Variants in PDE11A observed in about 807,000 individuals in gnomAD.
PDE11A encodes phosphodiesterase 11A.
A neutral mutation model predicts 100.5 loss-of-function variants in PDE11A; 100 were observed. The observed-to-expected ratio is 1.00, with a 90% CI of 0.85 to 1.18. The LOEUF (loss-of-function observed/expected upper bound fraction) is 1.18, where lower values mean the gene tolerates loss of function less well. PDE11A is among the 50% of genes most tolerant of loss of function. The pLI is 0.00. For missense variants in PDE11A, 1,141 were observed against 1,152.6 expected (o/e 0.99, Z 0.15); for synonymous variants, 381 against 420.8 (o/e 0.91, Z 1.16).
At chr2:178,016,360 G>A (rs971223955) in intron 1 of PDE11A, among the ~76,000 whole-genome samples, 2 of 151,910 alleles carry the variant, frequency 1.3e-5, no homozygotes, top group African/African-American at 4.8e-5. Context: ...CCAGAGAGAG[G>A]AGAGTCCAAT....
intron 2 of PDE11A, among the ~76,000 whole-genome samples, chr2:177,929,263 C>G (rs1253580730): frequency 6.6e-6 from 1 of 152,134 alleles, no homozygotes; most frequent in Non-Finnish European, 1.5e-5. Flanking sequence ...GCTCCTGGCA[C>G]TTCAAGAGGA....
intron 2 of PDE11A, among the ~76,000 whole-genome samples, chr2:177,918,301 T>C (rs2084984322): frequency 1.3e-5 from 2 of 152,200 alleles, no homozygotes; most frequent in Non-Finnish European, 2.9e-5. Flanking sequence ...CTATTCACAG[T>C]TTCTACTTTC....
chr2:177,675,480 G>T lies in PDE11A; in HGVS notation c.2462C>A (p.Thr821Asn), dbSNP rs1245289445. The stretch of plus-strand genomic sequence containing the variant: ...CTGTCTGGAGATCTCCCACGGTTTG[G>T]TCACGGCTCCAAGGTCACAGGCTGT... ...LMTACDLGAV[T>N]KPWEISRQVA... The change falls in exon 17 of 20, where the codon ACC (threonine) becomes AAC (asparagine). Residue 821 changes from threonine to asparagine, a missense_variant. Thr to Asn is a moderately conservative substitution (Grantham distance 65). Transcript: ENST00000286063. 1.9e-6 allele frequency: 3 copies of T among 1,613,482 alleles called. No individual in the cohort carries two copies. Among genetic ancestry groups the T allele is most frequent in the Non-Finnish European group, 2.5e-6 (3 of 1,179,574 alleles).
intron 12 of PDE11A, among the ~76,000 whole-genome samples, chr2:177,718,498 T>C (rs1338802558): frequency 1.3e-5 from 2 of 152,260 alleles, no homozygotes; most frequent in Non-Finnish European, 2.9e-5. Context: ...AAGAGATTGA[T>C]ACTGCAGAGC....
intron 15 of PDE11A, among the ~76,000 whole-genome samples, chr2:177,696,181 T>G (rs16865641): frequency 0.018 from 2,666 of 152,282 alleles, 76 homozygotes; most frequent in African/African-American, 0.06. Flanking sequence ...ATGTGGACAC[T>G]GAAGGTTTTT....
intron 2 of PDE11A, among the ~76,000 whole-genome samples, chr2:177,959,159 G>C (rs548806720): frequency 6.6e-6 from 1 of 152,314 alleles, no homozygotes; most frequent in Admixed American, 6.5e-5. Flanking sequence ...CCAGAGCCAA[G>C]AAGAGGAATG....
At chr2:177,680,082 T>C (rs923043023) in intron 16 of PDE11A, among the ~76,000 whole-genome samples, 9 of 152,160 alleles carry the variant, frequency 5.9e-5, no homozygotes, top group Admixed American at 6.5e-5. Context: ...ACGGCAGGAC[T>C]ATGTCAAGGT....
chr2:177,624,243 C>A lies in PDE11A; in HGVS notation c.*5164G>T, dbSNP rs1030045266. The A allele has an allele frequency of 3.2e-5, 4 of 126,208 alleles. No homozygotes were observed. The Admixed American group carries it at 3.7e-4, about 12-fold the overall frequency. 7.8% of individuals were successfully genotyped at this position (126,208 alleles called of 1,614,324 possible). On this transcript the variant is annotated 3_prime_UTR_variant, in exon 20 of 20. Coordinates refer to ENST00000286063, the MANE Select transcript of PDE11A (RefSeq NM_016953.4). Reference sequence around the variant, plus strand: ...TTTTGTTCTGTTGCTTTAATGAATCCTTTTTGTGTTTTGGTGGTTTTTTTT... The same window carrying A: ...TTTTGTTCTGTTGCTTTAATGAATCATTTTTGTGTTTTGGTGGTTTTTTTT...
intron 5 of PDE11A, among the ~76,000 whole-genome samples, chr2:177,851,328 T>C (rs193139311): frequency 0.011 from 1,744 of 151,986 alleles, 38 homozygotes; most frequent in African/African-American, 0.04. Context: ...TAGGTGGGAA[T>C]TGAACAATGA....
intron 16 of PDE11A, 172 bp from the exon 17 acceptor site, chr2:177,675,690 T>A (rs1574032853): frequency 4.2e-6 from 3 of 706,002 alleles, no homozygotes; most frequent in Non-Finnish European, 7.9e-6. Flanking sequence ...AGCATCTCCA[T>A]CATGTGGCCA....
chr2:177,638,069 C>T (rs1426031562), intron 19 of PDE11A, among the ~76,000 whole-genome samples: 7 of 146,942 alleles, frequency 4.8e-5, no homozygotes, highest in Admixed American at 1.4e-4. Context: ...GCGCGATCTC[C>T]GCTCACTGCA....
chr2:177,709,237 A>G (rs918064432), intron 13 of PDE11A, among the ~76,000 whole-genome samples: 19 of 152,314 alleles, frequency 1.2e-4, no homozygotes, highest in Admixed American at 4.6e-4. Flanking sequence ...GCTTTTAAGC[A>G]GGGGAGTGAC....
At chr2:177,700,239 C>T (rs2081176687) in intron 14 of PDE11A, among the ~76,000 whole-genome samples, 1 of 152,054 alleles carries the variant, frequency 6.6e-6, no homozygotes, top group African/African-American at 2.4e-5. Context: ...CATGATATTG[C>T]AAAAGACATG....
intron 2 of PDE11A, among the ~76,000 whole-genome samples, chr2:177,986,421 T>C (rs1347273966): frequency 6.6e-6 from 1 of 152,230 alleles, no homozygotes; most frequent in Non-Finnish European, 1.5e-5. Context: ...GAATGTTCTA[T>C]GTTCTTCCTC....
intron 9 of PDE11A, among the ~76,000 whole-genome samples, chr2:177,778,680 T>G (rs969287597): frequency 4.6e-5 from 7 of 152,214 alleles, no homozygotes; most frequent in African/African-American, 1.7e-4. Context: ...CCAATTTACT[T>G]GGAATAACCC....
chr2:177,766,989 A>G (rs887545308), intron 10 of PDE11A, among the ~76,000 whole-genome samples: 4 of 152,186 alleles, frequency 2.6e-5, no homozygotes, highest in Admixed American at 1.3e-4. Context: ...TTCCAGGACA[A>G]TGTTTTCTTT....
At chr2:177,802,623 T>G (rs113755392) in intron 9 of PDE11A, among the ~76,000 whole-genome samples, 8 of 152,058 alleles carry the variant, frequency 5.3e-5, no homozygotes, top group African/African-American at 1.9e-4. Context: ...TAACTGAATT[T>G]ACATGAAATT....
chr2:178,028,052 C>T (rs2043546), intron 1 of PDE11A, among the ~76,000 whole-genome samples: 4,176 of 152,230 alleles, frequency 0.027, 72 homozygotes, highest in Non-Finnish European at 0.04. Flanking sequence ...GCATCTTCTA[C>T]TGGGAAAAGG....
chr2:178,063,231 T>G (rs1185389417), intron 1 of PDE11A, among the ~76,000 whole-genome samples: 6 of 152,216 alleles, frequency 3.9e-5, no homozygotes, highest in Non-Finnish European at 8.8e-5. Context: ...ATATTTATTA[T>G]GGACTCTAAA....
Sources: allele counts gnomAD v4.1 joint callset (sites outside exome capture counted in the v4.1 genomes callset), GRCh38; gene constraint gnomAD v4.1.1; transcripts MANE v1.5; gene names NCBI Gene and HGNC (gene_info 2026-07-23, HGNC 2026-07-21).